LIPH: variants seen among roughly 807,000 people sequenced by gnomAD.
The protein encoded by LIPH is lipase H.
A neutral mutation model predicts 47.6 loss-of-function variants in LIPH; 32 were observed. That is an observed-to-expected ratio of 0.67 (90% CI 0.51 to 0.90). LIPH has a LOEUF of 0.90. LIPH is among the 40% of genes least tolerant of loss of function. The pLI, the probability that LIPH is intolerant of heterozygous loss-of-function variation, is 0.00. For missense variants in LIPH, 497 were observed against 541.4 expected, an observed-to-expected ratio of 0.92 and a Z score of 0.81; for synonymous variants, 190 against 195.6, an observed-to-expected ratio of 0.97 and a Z score of 0.24.
At chr3:185,540,524 C>A (rs1720669809) in intron 1 of LIPH, among the ~76,000 whole-genome samples, 1 of 152,098 alleles carries the variant, frequency 6.6e-6, no homozygotes, top group South Asian at 2.1e-4. Flanking sequence ...TCAAGACCAG[C>A]CTGACCAACA....
intron 7 of LIPH, among the ~76,000 whole-genome samples, chr3:185,516,010 C>T (rs1289959746): frequency 6.6e-6 from 1 of 151,778 alleles, no homozygotes; most frequent in African/African-American, 2.4e-5. Context: ...GGCGCATGCC[C>T]GAAGTCCCAG....
At position 185,508,512 on chromosome 3, in the gene LIPH, G is replaced by T. The variant is rs1719451446; in HGVS notation, c.*278C>A. 2 of 437,106 alleles carry T rather than the reference G, an allele frequency of 4.6e-6. No individual in the cohort carries two copies. The highest frequency in any genetic ancestry group is 8.5e-6 in the Non-Finnish European group (2 of 236,432). The allele number at this position is 437,106 out of a possible 1,614,324, so 27.1% of individuals were successfully genotyped here. On this transcript the variant is annotated 3_prime_UTR_variant, in exon 10 of 10. Coordinates refer to ENST00000296252, the MANE Select transcript of LIPH (RefSeq NM_139248.3). Reference sequence around the variant, plus strand: ...GCGTGACAGGCAGCAGAATTGACAGGTCGGAACAAGGGAGGCCCCAGGACA... The same window carrying T: ...GCGTGACAGGCAGCAGAATTGACAGTTCGGAACAAGGGAGGCCCCAGGACA...
At chr3:185,509,357 G>A (rs1014283073) in intron 9 of LIPH, among the ~76,000 whole-genome samples, 3 of 151,982 alleles carry the variant, frequency 2.0e-5, no homozygotes, top group Non-Finnish European at 2.9e-5. Context: ...GGCCAGGCAC[G>A]GTGGTTCACG....
chr3:185,543,700 C>T (rs191079948), intron 1 of LIPH, among the ~76,000 whole-genome samples: 31 of 152,282 alleles, frequency 2.0e-4, no homozygotes, highest in African/African-American at 7.0e-4. Context: ...GGCAACATAG[C>T]AAGACTCCAT....
intron 1 of LIPH, among the ~76,000 whole-genome samples, chr3:185,540,738 A>G (rs1381759480): frequency 6.6e-6 from 1 of 152,138 alleles, no homozygotes. Flanking sequence ...AAAAAAAAAA[A>G]AAAGAAATAT....
chr3:185,508,677 C>T lies in LIPH; in HGVS notation c.*113G>A. The stretch of plus-strand genomic sequence containing the variant: ...ATCCATAGGACGCTACTGAAAAAAG[C>T]CTTGGTTTTTTTCATACTTTTTCTG... On this transcript the variant is annotated 3_prime_UTR_variant, in exon 10 of 10. Coordinates refer to ENST00000296252, the MANE Select transcript of LIPH (RefSeq NM_139248.3). The T allele has an allele frequency of 1.3e-6, 1 of 788,852 alleles. No homozygotes were observed. The highest frequency in any genetic ancestry group is 1.4e-5 in the South Asian group (1 of 69,808). 48.9% of individuals were successfully genotyped at this position (788,852 alleles called of 1,614,324 possible).
Position 185,511,521 on chromosome 3 carries a change from C to T in LIPH, c.1268+3G>A. On this transcript the variant is annotated splice_donor_region_variant and intron_variant, in intron 9 of 9. Transcript: ENST00000296252. ...GTTTTGTCAAACCGTACCCTCAGCT[C>T]ACCTCTCCGGATGGGCAAGGGACCT... 1 of 1,614,124 alleles carries T rather than the reference C, an allele frequency of 6.2e-7. No homozygotes were observed.
intron 4 of LIPH, among the ~76,000 whole-genome samples, chr3:185,526,002 T>G (rs892163107): frequency 8.5e-5 from 13 of 152,074 alleles, no homozygotes; most frequent in African/African-American, 2.9e-4. Flanking sequence ...CTCCCAGACA[T>G]CTGGATATAG....
Position 185,524,009 on chromosome 3 carries a change from A to G in LIPH, c.718+62T>C, listed in dbSNP as rs140141572. On this transcript the variant is annotated intron_variant, in intron 5 of 9. Coordinates refer to ENST00000296252, the MANE Select transcript of LIPH (RefSeq NM_139248.3). ...AGTGCTGGGATTACAGGCATGAGCC[A>G]CCATGCACAGCCTCCAAATATGCCT... 2,118 of 1,146,800 alleles carry G rather than the reference A, an allele frequency of 1.8e-3. 31 individuals are homozygous for G. In the African/African-American group the frequency reaches 0.028, roughly 15 times the overall value. 71.0% of individuals were successfully genotyped at this position (1,146,800 alleles called of 1,614,324 possible).
intron 3 of LIPH, 45 bp downstream of exon 3, chr3:185,533,507 ATAATACTCCCCCAGTGAAC>A: frequency 9.4e-7 from 1 of 1,065,006 alleles, no homozygotes; most frequent in Non-Finnish European, 1.5e-6. Context: ...ATTGGCCTAC[ATAATACTCCCCCAGTGAAC>A]ACCCTGCCCA....
chr3:185,552,379 C>A (rs1441933336), intron 1 of LIPH, 44 bp downstream of exon 1: 2 of 1,345,654 alleles, frequency 1.5e-6, no homozygotes, highest in African/African-American at 1.4e-5. Flanking sequence ...ACAACTAATT[C>A]TATTTTTTAA....
intron 7 of LIPH, among the ~76,000 whole-genome samples, chr3:185,516,359 G>C (rs1177741676): frequency 6.6e-6 from 1 of 152,164 alleles, no homozygotes; most frequent in African/African-American, 2.4e-5. Flanking sequence ...CGTGAACCCA[G>C]GAGGCAGAGA....
intron 1 of LIPH, among the ~76,000 whole-genome samples, chr3:185,542,373 T>C (rs1720740627): frequency 6.6e-6 from 1 of 151,846 alleles, no homozygotes; most frequent in Non-Finnish European, 1.5e-5. Flanking sequence ...TGGAGTGCAG[T>C]GGCGAGATCT....
At chr3:185,548,436 A>C (rs1234993263) in intron 1 of LIPH, among the ~76,000 whole-genome samples, 2 of 151,028 alleles carry the variant, frequency 1.3e-5, no homozygotes, top group East Asian at 2.0e-4. Context: ...ACAAAAAAAA[A>C]CTCATCCTAG....
intron 1 of LIPH, among the ~76,000 whole-genome samples, chr3:185,541,384 ATCTT>A (rs1225760236): frequency 6.9e-6 from 1 of 144,644 alleles, no homozygotes; most frequent in Non-Finnish European, 1.5e-5. Flanking sequence ...TTATTTCTGG[ATCTT>A]TCTTTCTTTT....
chr3:185,508,280 A>G lies in LIPH; in HGVS notation c.*510T>C, dbSNP rs1719443176. On this transcript the variant is annotated 3_prime_UTR_variant, in exon 10 of 10. Transcript: ENST00000296252. ...CAAACATCTCATAGATGTGGCACCT[A>G]TGGGATTTCAAAAAACCCTTCATAG... 6.0e-6 allele frequency: 1 copy of G among 166,530 alleles called. No homozygotes were observed. The highest frequency in any genetic ancestry group is 5.5e-5 in the Admixed American group (1 of 18,052). The allele number at this position is 166,530 out of a possible 1,614,324, so 10.3% of individuals were successfully genotyped here. A position where few individuals can be genotyped will look rare whatever the true frequency, so the allele number is the denominator to read the frequency against.
In LIPH at chr3:185,519,160, CTT is replaced by C. The variant is rs756754607; in HGVS notation, c.866_867del (p.Lys289ArgfsTer11). On this transcript the variant is annotated frameshift_variant, in exon 6 of 10. Coordinates refer to ENST00000296252, the MANE Select transcript of LIPH (RefSeq NM_139248.3). ...GACTTACCCAGAAGGGGACAGGACTCTTTTTGTGACGTGCCGCAGCTGACACA... is the reference window on the plus strand; with the variant it reads ...GACTTACCCAGAAGGGGACAGGACTCTTTGTGACGTGCCGCAGCTGACACA... ...GKCVSCGTSQKESCPLLGYYA... is the reference protein window; with the variant it reads ...GKCVSCGTSQXESCPLLGYYA... 6 of 1,614,000 alleles carry C rather than the reference CTT, an allele frequency of 3.7e-6. No homozygotes were observed. The African/African-American group carries it at 5.3e-5, about 14-fold the overall frequency.
At chr3:185,524,266 T>C (rs1442753881) in intron 4 of LIPH, 106 bp from the exon 5 acceptor site, 1 of 736,552 alleles carries the variant, frequency 1.4e-6, no homozygotes, top group Non-Finnish European at 2.4e-6. Context: ...TTGTTGTTTA[T>C]CATTATTGTT....
Position 185,508,663 on chromosome 3 carries a change from G to A in LIPH, c.*127C>T, listed in dbSNP as rs1005044408. 27 of 726,426 alleles carry A rather than the reference G, an allele frequency of 3.7e-5. No homozygotes were observed. Among genetic ancestry groups the A allele is most frequent in the Non-Finnish European group, 5.5e-5 (22 of 397,010 alleles). The allele number at this position is 726,426 out of a possible 1,614,324, so 45.0% of individuals were successfully genotyped here. On this transcript the variant is annotated 3_prime_UTR_variant, in exon 10 of 10. Transcript: ENST00000296252. The stretch of plus-strand genomic sequence containing the variant: ...ATGTACAATGTGACATCCATAGGAC[G>A]CTACTGAAAAAAGCCTTGGTTTTTT...
Sources: allele counts gnomAD v4.1 joint callset (sites outside exome capture counted in the v4.1 genomes callset), GRCh38; gene constraint gnomAD v4.1.1; transcripts MANE v1.5; gene names NCBI Gene and HGNC (gene_info 2026-07-23, HGNC 2026-07-21).